The following DIP2B variants were observed in gnomAD, a reference collection of about 807,000 sequenced individuals.
DIP2B encodes disco-interacting protein 2 homolog B.
In DIP2B, 76 loss-of-function variants were observed where a neutral mutation model predicts 198.0. The ratio of observed to expected loss-of-function variants is 0.38; its 90% CI spans 0.32 to 0.46. DIP2B has a LOEUF of 0.46. Ranked by LOEUF, DIP2B falls within the 20% of genes least tolerant of loss-of-function variation. The pLI, the probability that DIP2B is intolerant of heterozygous loss-of-function variation, is 0.99. For synonymous variants in DIP2B, 701 were observed against 739.1 expected (o/e 0.95, Z 0.84); for missense variants, 1,559 against 1,978.4 (o/e 0.79, Z 4.02).
intron 7 of DIP2B, among the ~76,000 whole-genome samples, 200 bp from the exon 8 acceptor site, chr12:50,678,479 C>T (rs1297937953): frequency 6.6e-6 from 1 of 152,064 alleles, no homozygotes; most frequent in Admixed American, 6.6e-5. Flanking sequence ...TTGCATAAAA[C>T]GAATATGATT....
chr12:50,560,944 G>A (rs748286397), intron 1 of DIP2B, among the ~76,000 whole-genome samples: 6 of 152,066 alleles, frequency 3.9e-5, no homozygotes, highest in Non-Finnish European at 7.4e-5. Flanking sequence ...GAAGTGTCTG[G>A]CAAATAAACT....
In DIP2B at chr12:50,741,489, A is replaced by C; in HGVS notation, c.4428A>C (p.Pro1476=). 1 of 1,614,182 alleles carries C rather than the reference A, an allele frequency of 6.2e-7. No homozygotes were observed. The highest frequency in any genetic ancestry group is 8.5e-7 in the Non-Finnish European group (1 of 1,180,020). ...AGCTGAGAGGATTACGATACCACCC[A>C]ATTGATATTGAGACCTCGGTGTCCC... ...TLELRGLRYH[P]IDIETSVSRI... The change falls in exon 37 of 38, where the codon CCA becomes CCC. Residue 1476 remains proline (P), a synonymous_variant. Transcript: ENST00000301180.
At chr12:50,740,208 G>T (rs1940216891) in intron 36 of DIP2B, among the ~76,000 whole-genome samples, 1 of 152,228 alleles carries the variant, frequency 6.6e-6, no homozygotes, top group Non-Finnish European at 1.5e-5. Flanking sequence ...AGAAGTGATA[G>T]ATATATAACT....
intron 4 of DIP2B, among the ~76,000 whole-genome samples, chr12:50,665,522 C>G (rs759238705): frequency 2.6e-5 from 4 of 152,154 alleles, no homozygotes; most frequent in Non-Finnish European, 5.9e-5. Context: ...GCCCGAGGAT[C>G]CTTTCAGCCC....
At chr12:50,686,034 C>A in intron 11 of DIP2B, 78 bp downstream of exon 11, 1 of 1,418,800 alleles carries the variant, frequency 7.0e-7, no homozygotes, top group Admixed American at 2.0e-5. Flanking sequence ...TTAGTAATAG[C>A]TAGGTACTTT....
rs537211882 is a variant in DIP2B, at chr12:50,675,020, C to T, written c.797-309C>T. Among the ~76,000 whole-genome samples, 434 of 152,180 alleles carry T rather than the reference C, an allele frequency of 2.9e-3. 5 individuals carry two copies. The highest frequency in any genetic ancestry group is 9.8e-3 in the African/African-American group (409 of 41,534). On this transcript the variant is annotated intron_variant, in intron 6 of 37. Coordinates refer to ENST00000301180, the MANE Select transcript of DIP2B (RefSeq NM_173602.3). ...TCTACTAAAAATACAAAAAATTAGG[C>T]GGAGCTTGCAGTGAGCCAAGATGGC...
At chr12:50,742,622 G>A (rs187149298) in intron 37 of DIP2B, among the ~76,000 whole-genome samples, 1 of 152,242 alleles carries the variant, frequency 6.6e-6, no homozygotes, top group African/African-American at 2.4e-5. Flanking sequence ...TCGGCCGGAA[G>A]TGGTGGCTCA....
chr12:50,586,057 T>C (rs1958767764), intron 1 of DIP2B, among the ~76,000 whole-genome samples: 1 of 152,226 alleles, frequency 6.6e-6, no homozygotes, highest in South Asian at 2.1e-4. Flanking sequence ...GCGTCCTAGA[T>C]GTGGCCCATT....
In DIP2B at chr12:50,735,161, G is replaced by A. The variant is rs371142470; in HGVS notation, c.4101+31G>A. The A allele has an allele frequency of 2.9e-5, 46 of 1,612,942 alleles. No individual in the cohort carries two copies. In the African/African-American group the frequency reaches 5.7e-4, roughly 20 times the overall value. On this transcript the variant is annotated intron_variant, in intron 34 of 37. Transcript: ENST00000301180. ...TTGTTCTGTTGACCATGGGGAAGGTGGGCTGTGTGGAGAAGTGGTTCAGTT... is the reference window on the plus strand; with the variant it reads ...TTGTTCTGTTGACCATGGGGAAGGTAGGCTGTGTGGAGAAGTGGTTCAGTT...
At chr12:50,634,002 T>C (rs1263117903) in intron 2 of DIP2B, among the ~76,000 whole-genome samples, 1 of 152,138 alleles carries the variant, frequency 6.6e-6, no homozygotes, top group African/African-American at 2.4e-5. Flanking sequence ...ATTCAGGTCC[T>C]CAAAACGCTC....
At chr12:50,516,404 G>A (rs1958065639) in intron 1 of DIP2B, among the ~76,000 whole-genome samples, 1 of 152,076 alleles carries the variant, frequency 6.6e-6, no homozygotes, top group African/African-American at 2.4e-5. Flanking sequence ...ACAGGCGTGT[G>A]CCACCACACC....
chr12:50,558,011 A>G (rs1240978596), intron 1 of DIP2B, among the ~76,000 whole-genome samples: 1 of 152,176 alleles, frequency 6.6e-6, no homozygotes, highest in African/African-American at 2.4e-5. Flanking sequence ...AAATACATAC[A>G]TAAATGTTAG....
chr12:50,712,871 G>A (rs1394098483), intron 22 of DIP2B, among the ~76,000 whole-genome samples: 1 of 152,088 alleles, frequency 6.6e-6, no homozygotes, highest in Non-Finnish European at 1.5e-5. Context: ...TCACGCCATC[G>A]GACTCCAGCT....
At chr12:50,628,208 TAA>T (rs1160343046) in intron 2 of DIP2B, among the ~76,000 whole-genome samples, 1 of 151,936 alleles carries the variant, frequency 6.6e-6, no homozygotes, top group African/African-American at 2.4e-5. Flanking sequence ...CCATCTCTAC[TAA>T]AAATACAAGA....
chr12:50,742,457 C>T (rs1271789676), intron 37 of DIP2B, among the ~76,000 whole-genome samples: 1 of 140,940 alleles, frequency 7.1e-6, no homozygotes. Flanking sequence ...GGCTTTCATT[C>T]TGGGTTCTTA....
chr12:50,582,840 A>C (rs1438581235), intron 1 of DIP2B, among the ~76,000 whole-genome samples: 2 of 152,152 alleles, frequency 1.3e-5, no homozygotes, highest in Admixed American at 6.5e-5. Context: ...GATGGTATGC[A>C]CATTTTTTTC....
At chr12:50,699,780 T>C (rs1939384888) in intron 19 of DIP2B, among the ~76,000 whole-genome samples, 1 of 151,908 alleles carries the variant, frequency 6.6e-6, no homozygotes, top group African/African-American at 2.4e-5. Context: ...GGAGGATCCC[T>C]TGAGCCCAGG....
At chr12:50,507,270 G>A (rs12425085) in intron 1 of DIP2B, among the ~76,000 whole-genome samples, 2 of 152,198 alleles carry the variant, frequency 1.3e-5, no homozygotes, top group African/African-American at 4.8e-5. Context: ...TTTAGCAATG[G>A]ATGACTGGAA....
At chr12:50,652,845 T>C (rs1194936991) in intron 3 of DIP2B, among the ~76,000 whole-genome samples, 1 of 152,146 alleles carries the variant, frequency 6.6e-6, no homozygotes, top group African/African-American at 2.4e-5. Flanking sequence ...CAGTTATGTC[T>C]ATTCCTAAGT....
Sources: gnomAD v4.1 joint callset for allele counts (sites outside exome capture counted in the v4.1 genomes callset) on GRCh38, gnomAD v4.1.1 for gene constraint, MANE v1.5 for transcripts, NCBI Gene and HGNC (gene_info 2026-07-23, HGNC 2026-07-21) for gene names.